IL15RA: variants seen among roughly 807,000 people sequenced by gnomAD.
IL15RA encodes interleukin 15 receptor subunit alpha.
In IL15RA, 26 loss-of-function variants were observed where a neutral mutation model predicts 24.2. The ratio of observed to expected loss-of-function variants is 1.07; its 90% CI spans 0.79 to 1.49. The LOEUF (loss-of-function observed/expected upper bound fraction) is 1.49. Ranked by LOEUF, IL15RA falls within the 40% of genes most tolerant of loss-of-function variation. The pLI is 0.00. For synonymous variants in IL15RA, 166 were observed against 157.6 expected, an observed-to-expected ratio of 1.05 and a Z score of -0.40; for missense variants, 354 against 356.4, an observed-to-expected ratio of 0.99 and a Z score of 0.05.
In IL15RA at chr10:5,961,967, G is replaced by A. The variant is rs1835646928; in HGVS notation, c.383-1400C>T. On this transcript the variant is annotated intron_variant, in intron 3 of 6. Transcript: ENST00000379977. The surrounding 1 kb of genome is among the most constrained non-coding windows in gnomAD (Gnocchi z 5.2). Reference sequence around the variant, plus strand: ...GGGCTCCCTGCACAGGACGCACCAAGGCATCCTCAGCCAAGTGCCCACGGT... The same window carrying A: ...GGGCTCCCTGCACAGGACGCACCAAAGCATCCTCAGCCAAGTGCCCACGGT... Among the ~76,000 whole-genome samples the A allele has an allele frequency of 6.6e-6, 1 of 152,196 alleles. No individual in the cohort carries two copies. Among genetic ancestry groups the A allele is most frequent in the African/African-American group, 2.4e-5 (1 of 41,446 alleles).
At position 5,961,921 on chromosome 10, in the gene IL15RA, A is replaced by G. The variant is rs1564498989; in HGVS notation, c.383-1354T>C. 6.6e-6 allele frequency among the ~76,000 whole-genome samples: 1 copy of G among 152,094 alleles called. No homozygotes were observed. The highest frequency in any genetic ancestry group is 2.1e-4 in the South Asian group (1 of 4,824). Reference sequence around the variant, plus strand: ...CACCACCTTTCATATAACTTGCCCTACGCTCACTGCCAATGCTCCAGGGCT... The same window carrying G: ...CACCACCTTTCATATAACTTGCCCTGCGCTCACTGCCAATGCTCCAGGGCT... On this transcript the variant is annotated intron_variant, in intron 3 of 6. Coordinates refer to ENST00000379977, the MANE Select transcript of IL15RA (RefSeq NM_002189.4). The surrounding 1 kb of genome is among the most constrained non-coding windows in gnomAD (Gnocchi z 5.2).
At position 5,973,252 on chromosome 10, in the gene IL15RA, A is replaced by G. The variant is rs1012891941; in HGVS notation, c.88+4153T>C. 2.0e-5 allele frequency among the ~76,000 whole-genome samples: 3 copies of G among 152,192 alleles called. No homozygotes were observed. Among genetic ancestry groups the G allele is most frequent in the Non-Finnish European group, 4.4e-5 (3 of 68,028 alleles). ...GAGACTTTGCACCTTAGTGATATTG[A>G]TTTGTCCAACCCATGAACATGGTAT... On this transcript the variant is annotated intron_variant, in intron 1 of 6. Coordinates refer to ENST00000379977, the MANE Select transcript of IL15RA (RefSeq NM_002189.4). This position sits in a 1 kb window ranked among gnomAD's most constrained non-coding sequence, Gnocchi z 4.5.
Position 5,965,652 on chromosome 10 carries a change from C to G in IL15RA, c.283+493G>C, listed in dbSNP as rs1363248435. Among the ~76,000 whole-genome samples the G allele has an allele frequency of 6.6e-6, 1 of 152,242 alleles. No homozygotes were observed. Among genetic ancestry groups the G allele is most frequent in the Non-Finnish European group, 1.5e-5 (1 of 68,044 alleles). On this transcript the variant is annotated intron_variant, in intron 2 of 6. Transcript: ENST00000379977. This position sits in a 1 kb window ranked among gnomAD's most constrained non-coding sequence, Gnocchi z 5.8. ...CAAAGCCAGGATTTAAACCCAGAAT[C>G]CTGTGACCCCAGCACCTGTGTGTTT...
chr10:5,949,049 C>T (rs11256084), downstream of IL15RA: 14,535 of 348,252 alleles, frequency 0.042, 647 homozygotes, highest in African/African-American at 0.15. The surrounding 1 kb of genome is among the most constrained non-coding windows in gnomAD (Gnocchi z 4.4). Context: ...CTGAATCCTT[C>T]GATGGAGAGG....
At position 5,960,660 on chromosome 10, in the gene IL15RA, G is replaced by A; in HGVS notation, c.383-93C>T. On this transcript the variant is annotated intron_variant, in intron 3 of 6. Transcript: ENST00000379977. This position sits in a 1 kb window ranked among gnomAD's most constrained non-coding sequence, Gnocchi z 5.1. ...GGTGATGTGGGAGCTGCCATAGTGA[G>A]TCACCCTGACCAGCCCTCCCTCTCT... is the stretch of plus-strand genomic sequence containing the variant. 9.3e-7 allele frequency: 1 copy of A among 1,074,298 alleles called. No individual in the cohort carries two copies. The highest frequency in any genetic ancestry group is 1.4e-5 in the South Asian group (1 of 72,660). 66.5% of individuals were successfully genotyped at this position (1,074,298 alleles called of 1,614,324 possible). A position where few individuals can be genotyped will look rare whatever the true frequency, so the allele number is the denominator to read the frequency against.
downstream of IL15RA, among the ~76,000 whole-genome samples, chr10:5,951,141 C>CAAAAAAAAAA (rs60771366): frequency 5.0e-4 from 18 of 35,952 alleles, no homozygotes; most frequent in African/African-American, 2.0e-3. Context: ...GACTCAGTCT[C>CAAAAAAAAAA]AAAAAAAAAA....
Position 5,975,875 on chromosome 10 carries a change from A to G in IL15RA, c.88+1530T>C, listed in dbSNP as rs8177637. Among the ~76,000 whole-genome samples the G allele has an allele frequency of 0.51, 76,967 of 151,920 alleles. 19,782 individuals carry two copies. The highest frequency in any genetic ancestry group is 0.55 in the Admixed American group (8,449 of 15,280). ...GCTACTGCACCCCAGCCGGGGTGAC[A>G]GAGTGAGACTCCGTCTCAAAAAAGA... On this transcript the variant is annotated intron_variant, in intron 1 of 6. Coordinates refer to ENST00000379977, the MANE Select transcript of IL15RA (RefSeq NM_002189.4). This position sits in a 1 kb window ranked among gnomAD's most constrained non-coding sequence, Gnocchi z 4.8.
Position 5,956,766 on chromosome 10 carries a change from A to G in IL15RA, c.617-312T>C, listed in dbSNP as rs8177717. 5.3e-3 allele frequency among the ~76,000 whole-genome samples: 813 copies of G among 152,272 alleles called. 7 individuals carry two copies. Among genetic ancestry groups the G allele is most frequent in the African/African-American group, 0.018 (753 of 41,542 alleles). ...GTCAGGAGGGAGCAGTAAGAGCCTCAAGGGCAAAGCCAAGAGTGCGATGAG... is the reference window on the plus strand; with the variant it reads ...GTCAGGAGGGAGCAGTAAGAGCCTCGAGGGCAAAGCCAAGAGTGCGATGAG... On this transcript the variant is annotated intron_variant, in intron 5 of 6. Transcript: ENST00000379977.
chr10:5,953,543 G>T lies in IL15RA; in HGVS notation c.693-337C>A, dbSNP rs1190538209. 6.6e-6 allele frequency among the ~76,000 whole-genome samples: 1 copy of T among 152,056 alleles called. No homozygotes were observed. Among genetic ancestry groups the T allele is most frequent in the Non-Finnish European group, 1.5e-5 (1 of 68,006 alleles). On this transcript the variant is annotated intron_variant, in intron 6 of 6. Transcript: ENST00000379977. This position sits in a 1 kb window ranked among gnomAD's most constrained non-coding sequence, Gnocchi z 5.3. ...TATGATGAGAATAAATCCTCTCCAG[G>T]TATTTCCAACCTCCCCATCCACCAA... is the stretch of plus-strand genomic sequence containing the variant.
At position 5,962,065 on chromosome 10, in the gene IL15RA, A is replaced by T. The variant is rs1288637646; in HGVS notation, c.383-1498T>A. Among the ~76,000 whole-genome samples, 1 of 152,168 alleles carries T rather than the reference A, an allele frequency of 6.6e-6. No individual in the cohort carries two copies. ...GCACCATTGTGTCTCGACAATGGCC[A>T]TCGGACCAGGTATTGGGGATGCGAA... On this transcript the variant is annotated intron_variant, in intron 3 of 6. Coordinates refer to ENST00000379977, the MANE Select transcript of IL15RA (RefSeq NM_002189.4). The surrounding 1 kb of genome is among the most constrained non-coding windows in gnomAD (Gnocchi z 5.2).
chr10:5,969,904 C>T (rs1453867718), intron 1 of IL15RA, among the ~76,000 whole-genome samples: 1 of 152,146 alleles, frequency 6.6e-6, no homozygotes, highest in Non-Finnish European at 1.5e-5. Context: ...TCAGACATAT[C>T]CCTAAGTATT....
intron 5 of IL15RA, 123 bp from the exon 6 acceptor site, chr10:5,956,577 G>A: frequency 1.4e-6 from 1 of 717,296 alleles, no homozygotes. Flanking sequence ...CTCCTGCTAA[G>A]GACATTTCTT....
In IL15RA at chr10:5,962,087, C is replaced by T. The variant is rs1490469532; in HGVS notation, c.383-1520G>A. On this transcript the variant is annotated intron_variant, in intron 3 of 6. Coordinates refer to ENST00000379977, the MANE Select transcript of IL15RA (RefSeq NM_002189.4). This position sits in a 1 kb window ranked among gnomAD's most constrained non-coding sequence, Gnocchi z 5.2. ...GCCATCGGACCAGGTATTGGGGATG[C>T]GAAGGTGGGGCTGGGAGAGCCTACT... 1.3e-5 allele frequency among the ~76,000 whole-genome samples: 2 copies of T among 152,132 alleles called. No individual in the cohort carries two copies. The highest frequency in any genetic ancestry group is 1.3e-4 in the Admixed American group (2 of 15,280).
chr10:5,972,637 G>T (rs1366409115), intron 1 of IL15RA, among the ~76,000 whole-genome samples: 2 of 152,300 alleles, frequency 1.3e-5, no homozygotes, highest in Middle Eastern at 3.4e-3. Flanking sequence ...GCAGACAACT[G>T]CATACATGCC....
In IL15RA at chr10:5,975,781, T is replaced by G. The variant is rs1470990747; in HGVS notation, c.88+1624A>C. 1.3e-5 allele frequency among the ~76,000 whole-genome samples: 2 copies of G among 151,990 alleles called. No individual in the cohort carries two copies. Among genetic ancestry groups the G allele is most frequent in the Non-Finnish European group, 2.9e-5 (2 of 68,002 alleles). On this transcript the variant is annotated intron_variant, in intron 1 of 6. Transcript: ENST00000379977. This position sits in a 1 kb window ranked among gnomAD's most constrained non-coding sequence, Gnocchi z 4.8. ...GGTGGCGATCGCCTGTAATCCCAGC[T>G]ACTCAGGAGGCTGAGGCAGCAGAAT...
intron 1 of IL15RA, among the ~76,000 whole-genome samples, chr10:5,972,876 A>G (rs1221847146): frequency 6.6e-6 from 1 of 152,224 alleles, no homozygotes; most frequent in East Asian, 1.9e-4. Context: ...AGCAGTAACA[A>G]CTAGATAAAA....
rs1303341694 is a variant in IL15RA, at chr10:5,963,298, G to C, written c.382+445C>G. On this transcript the variant is annotated intron_variant, in intron 3 of 6. Coordinates refer to ENST00000379977, the MANE Select transcript of IL15RA (RefSeq NM_002189.4). This position sits in a 1 kb window ranked among gnomAD's most constrained non-coding sequence, Gnocchi z 5.3. Reference sequence around the variant, plus strand: ...GACAGGCATCTGTTCAGGCCCAACTGTGCTGCCCCTGCTGGCTAGGGGACG... The same window carrying C: ...GACAGGCATCTGTTCAGGCCCAACTCTGCTGCCCCTGCTGGCTAGGGGACG... Among the ~76,000 whole-genome samples the C allele has an allele frequency of 6.6e-6, 1 of 152,232 alleles. No individual in the cohort carries two copies. Among genetic ancestry groups the C allele is most frequent in the African/African-American group, 2.4e-5 (1 of 41,472 alleles).
rs1464479792 is a variant in IL15RA at position 5,959,135 on chromosome 10, A to G, written c.616+619T>C. On this transcript the variant is annotated intron_variant, in intron 5 of 6. Transcript: ENST00000379977. The surrounding 1 kb of genome is among the most constrained non-coding windows in gnomAD (Gnocchi z 4.1). ...TAAAGAGGAGCAGATTTTTGGTTTT[A>G]TTTTGTTTTGTTAACTTTTTTTCTT... 7.7e-6 allele frequency among the ~76,000 whole-genome samples: 1 copy of G among 130,608 alleles called. No individual in the cohort carries two copies. The highest frequency in any genetic ancestry group is 1.7e-5 in the Non-Finnish European group (1 of 58,382). 85.7% of individuals were successfully genotyped at this position (130,608 alleles called of 152,430 possible).
In IL15RA at chr10:5,959,915, G is replaced by T; in HGVS notation, c.584-129C>A. 1.2e-6 allele frequency: 1 copy of T among 806,728 alleles called. No homozygotes were observed. Among genetic ancestry groups the T allele is most frequent in the Non-Finnish European group, 2.1e-6 (1 of 482,002 alleles). The allele number at this position is 806,728 out of a possible 1,614,324, so 50.0% of individuals were successfully genotyped here. On this transcript the variant is annotated intron_variant, in intron 4 of 6. Transcript: ENST00000379977. This position sits in a 1 kb window ranked among gnomAD's most constrained non-coding sequence, Gnocchi z 4.1. ...GGGAGACTCGTGGCTGGCGTAACCA[G>T]ACTCATTTTAGCAAAGAACAAGCAG...
Sources: allele counts gnomAD v4.1 joint callset (sites outside exome capture counted in the v4.1 genomes callset), GRCh38; gene constraint gnomAD v4.1.1; non-coding constraint Gnocchi (gnomAD v3.1); transcripts MANE v1.5; gene names NCBI Gene and HGNC (gene_info 2026-07-23, HGNC 2026-07-21).